SPAG16: variants seen among roughly 807,000 people sequenced by gnomAD.
SPAG16 encodes sperm-associated antigen 16 protein.
Under a neutral mutation model 80.4 loss-of-function variants are expected in SPAG16, and 86 were observed. That is an observed-to-expected ratio of 1.07 (90% confidence interval 0.90 to 1.28). The LOEUF is 1.28. Ranked by LOEUF, SPAG16 falls within the 50% of genes most tolerant of loss-of-function variation. The pLI, the probability that SPAG16 is intolerant of heterozygous loss-of-function variation, is 0.00. For synonymous variants in SPAG16, 294 were observed against 265.9 expected, an observed-to-expected ratio of 1.11 and a Z score of -1.03; for missense variants, 870 against 765.3, an observed-to-expected ratio of 1.14 and a Z score of -1.61.
intron 15 of SPAG16, among the ~76,000 whole-genome samples, chr2:214,332,509 T>G (rs1696993564): frequency 2.0e-5 from 3 of 152,166 alleles, no homozygotes; most frequent in African/African-American, 7.2e-5. Context: ...CTTGAAGACA[T>G]TAGCATGTAA....
chr2:214,035,084 G>A (rs2048618890), intron 13 of SPAG16, among the ~76,000 whole-genome samples: 1 of 152,100 alleles, frequency 6.6e-6, no homozygotes, highest in Non-Finnish European at 1.5e-5. Context: ...CAGCTAGGGT[G>A]TCACAACAAG....
intron 9 of SPAG16, among the ~76,000 whole-genome samples, chr2:213,480,224 T>C (rs1038109453): frequency 2.0e-5 from 3 of 152,200 alleles, no homozygotes; most frequent in Non-Finnish European, 2.9e-5. Flanking sequence ...TGGACATCTA[T>C]AGAGAATTAA....
chr2:213,512,331 A>G lies in SPAG16; in HGVS notation c.1070+22241A>G, dbSNP rs369127926. ...AAAATGGACTTGAAACAAGGTATAC[A>G]TCAGTTGTCATATCGTATTGCAAGA... On this transcript the variant is annotated intron_variant, in intron 10 of 15. Coordinates refer to ENST00000331683, the MANE Select transcript of SPAG16 (RefSeq NM_024532.5). Among the ~76,000 whole-genome samples, 10 of 152,300 alleles carry G rather than the reference A, an allele frequency of 6.6e-5. No homozygotes were observed. The East Asian group carries it at 1.2e-3, about 18-fold the overall frequency.
intron 8 of SPAG16, among the ~76,000 whole-genome samples, chr2:213,368,648 T>G (rs2066458871): frequency 6.6e-6 from 1 of 152,184 alleles, no homozygotes; most frequent in African/African-American, 2.4e-5. Context: ...GATGACATGA[T>G]TGTATATTTA....
intron 13 of SPAG16, among the ~76,000 whole-genome samples, chr2:214,106,962 T>C (rs529011378): frequency 6.6e-6 from 1 of 152,122 alleles, no homozygotes; most frequent in African/African-American, 2.4e-5. Flanking sequence ...TATACTTTCA[T>C]TGGCTAACTC....
chr2:213,384,952 G>C (rs2067349753), intron 9 of SPAG16, among the ~76,000 whole-genome samples: 1 of 152,142 alleles, frequency 6.6e-6, no homozygotes, highest in Non-Finnish European at 1.5e-5. Context: ...TCTTGCTTTT[G>C]ACATTTACGT....
At chr2:213,409,891 G>T (rs970038751) in intron 9 of SPAG16, among the ~76,000 whole-genome samples, 6 of 152,096 alleles carry the variant, frequency 3.9e-5, no homozygotes, top group African/African-American at 1.2e-4. Flanking sequence ...TATATACTTG[G>T]TTTATCTTCC....
intron 15 of SPAG16, among the ~76,000 whole-genome samples, chr2:214,315,810 G>A (rs1291495893): frequency 6.6e-6 from 1 of 152,150 alleles, no homozygotes; most frequent in East Asian, 1.9e-4. Flanking sequence ...GGGATTACAA[G>A]CATGAGCCAC....
chr2:213,524,107 G>A (rs1559219155), intron 10 of SPAG16, among the ~76,000 whole-genome samples: 1 of 152,136 alleles, frequency 6.6e-6, no homozygotes, highest in Admixed American at 6.5e-5. Context: ...CCCTTGCTGT[G>A]TGCAGCCTAG....
At chr2:213,519,531 C>T (rs1463412731) in intron 10 of SPAG16, among the ~76,000 whole-genome samples, 1 of 152,172 alleles carries the variant, frequency 6.6e-6, no homozygotes, top group Non-Finnish European at 1.5e-5. Flanking sequence ...CTTGCTTCTT[C>T]TTGCCTTCTG....
At chr2:214,265,640 A>G (rs1050581144) in intron 15 of SPAG16, among the ~76,000 whole-genome samples, 1 of 151,970 alleles carries the variant, frequency 6.6e-6, no homozygotes, top group Non-Finnish European at 1.5e-5. Context: ...TTTATGGATC[A>G]AACTTTTGGT....
chr2:214,388,754 T>G (rs529512846), intron 15 of SPAG16, among the ~76,000 whole-genome samples: 1 of 152,224 alleles, frequency 6.6e-6, no homozygotes, highest in Admixed American at 6.5e-5. Context: ...AAAAAAGGAA[T>G]TTTTTGGATG....
chr2:213,465,799 A>T (rs1171103981), intron 9 of SPAG16, among the ~76,000 whole-genome samples: 1 of 152,160 alleles, frequency 6.6e-6, no homozygotes, highest in African/African-American at 2.4e-5. Context: ...CAAGTAGCCC[A>T]TGGGCTGTTG....
At chr2:213,564,982 T>C (rs749857561) in intron 10 of SPAG16, among the ~76,000 whole-genome samples, 18 of 152,318 alleles carry the variant, frequency 1.2e-4, no homozygotes, top group Middle Eastern at 6.8e-3. Context: ...TCTGTAAAAA[T>C]TGAAAAACTT....
intron 7 of SPAG16, among the ~76,000 whole-genome samples, chr2:213,359,826 G>A (rs536610365): frequency 5.3e-5 from 8 of 152,242 alleles, no homozygotes; most frequent in Non-Finnish European, 8.8e-5. Flanking sequence ...ACCTCAGTTG[G>A]AAATGCAGAA....
intron 12 of SPAG16, among the ~76,000 whole-genome samples, chr2:213,957,453 C>CT (rs144878230): frequency 0.014 from 2,084 of 147,524 alleles, 36 homozygotes; most frequent in African/African-American, 0.04. Flanking sequence ...TTTGCATGAA[C>CT]TTTTTTTTTT....
At chr2:213,605,730 CG>C in intron 10 of SPAG16, among the ~76,000 whole-genome samples, 1 of 152,198 alleles carries the variant, frequency 6.6e-6, no homozygotes, top group East Asian at 1.9e-4. Flanking sequence ...ACTTCGTGAT[CG>C]GCCTGCCTCG....
chr2:214,112,689 T>G (rs1347037278), intron 14 of SPAG16, among the ~76,000 whole-genome samples: 1 of 138,868 alleles, frequency 7.2e-6, no homozygotes, highest in Non-Finnish European at 1.5e-5. Context: ...TCTTCCTCCA[T>G]CCCTTTATTT....
At chr2:214,158,531 T>A (rs1253535700) in intron 15 of SPAG16, among the ~76,000 whole-genome samples, 1 of 151,988 alleles carries the variant, frequency 6.6e-6, no homozygotes, top group Non-Finnish European at 1.5e-5. Context: ...AATTAATGAC[T>A]GGATCAAAGT....
Sources: allele counts gnomAD v4.1 joint callset (sites outside exome capture counted in the v4.1 genomes callset), GRCh38; gene constraint gnomAD v4.1.1; transcripts MANE v1.5; gene names NCBI Gene and HGNC (gene_info 2026-07-23, HGNC 2026-07-21).